Variants in VILL observed in about 807,000 individuals in gnomAD.
VILL encodes the protein villin like, also known as villin-like protein.
In VILL, 102 loss-of-function variants were observed where a neutral mutation model predicts 106.3. The ratio of observed to expected loss-of-function variants is 0.96; its 90% CI spans 0.82 to 1.13. The LOEUF is 1.13. VILL is among the 50% of genes most tolerant of loss of function. VILL has a pLI of 0.00. For synonymous variants in VILL, 431 were observed against 440.3 expected (o/e 0.98, Z 0.27); for missense variants, 1,076 against 1,116.6 (o/e 0.96, Z 0.52).
At chr3:37,990,107 G>A (rs1699591502), upstream of VILL, among the ~76,000 whole-genome samples, 1 of 152,230 alleles carries the variant, frequency 6.6e-6, no homozygotes, top group South Asian at 2.1e-4. The surrounding 1 kb of genome is among the most constrained non-coding windows in gnomAD (Gnocchi z 5.1). Context: ...TGCCCCTGGA[G>A]TTTCTGGAAG....
At chr3:37,993,413 CTG>C (rs1320630323) in intron 1 of VILL, 172 bp from the exon 2 acceptor site, 1 of 513,068 alleles carries the variant, frequency 1.9e-6, no homozygotes, top group Non-Finnish European at 3.5e-6. Context: ...GAGCAAGACC[CTG>C]TCTCGAAAAA....
upstream of VILL, among the ~76,000 whole-genome samples, chr3:37,989,833 C>T (rs1183689144): frequency 6.6e-6 from 1 of 152,178 alleles, no homozygotes; most frequent in Admixed American, 6.5e-5. Flanking sequence ...GCCTGTGACA[C>T]AGGCATCCCT....
In VILL at chr3:38,000,197, C is replaced by T. The variant is rs996732782; in HGVS notation, c.1182+758C>T. Among the ~76,000 whole-genome samples, 4 of 152,156 alleles carry T rather than the reference C, an allele frequency of 2.6e-5. No homozygotes were observed. In the South Asian group the frequency reaches 6.2e-4, roughly 24 times the overall value. ...GGCCTATGCGAGGGGTCCTAGTTCT[C>T]GAGGTAGGTGGAGGTCAGAGAAAAG... On this transcript the variant is annotated intron_variant, in intron 11 of 19. Transcript: ENST00000383759.
In VILL at chr3:38,007,111, G is replaced by A; in HGVS notation, c.*56G>A. 1.4e-6 allele frequency: 2 copies of A among 1,442,664 alleles called. No individual in the cohort carries two copies. Among genetic ancestry groups the A allele is most frequent in the Non-Finnish European group, 1.9e-6 (2 of 1,032,376 alleles). 89.4% of individuals were successfully genotyped at this position (1,442,664 alleles called of 1,614,324 possible). A position where few individuals can be genotyped will look rare whatever the true frequency, so the allele number is the denominator to read the frequency against. The stretch of plus-strand genomic sequence containing the variant: ...TGGACCCCAACATACCTACAATGCT[G>A]GGGAGGCCCTGCTTCCACTCCCCTC... On this transcript the variant is annotated 3_prime_UTR_variant, in exon 20 of 20. Coordinates refer to ENST00000383759, the MANE Select transcript of VILL (RefSeq NM_015873.4).
chr3:37,994,514 C>T (rs1474333321), intron 4 of VILL, 48 bp downstream of exon 4: 1 of 1,588,888 alleles, frequency 6.3e-7, no homozygotes, highest in East Asian at 2.3e-5. Flanking sequence ...GAGGCGGTGC[C>T]TTGGCTGGGG....
Position 37,993,957 on chromosome 3 carries a change from C to T in VILL, c.120C>T (p.Cys40=), listed in dbSNP as rs1210653700. Residue 40 remains cysteine, a synonymous_variant, in exon 3 of 20, where the codon TGC becomes TGT. Transcript: ENST00000383759. ...ACGGGAACTTTTTTGAGGAACACTG[C>T]TATGTCATCCTCCACGTGAGTCGCT... is the stretch of plus-strand genomic sequence containing the variant. ...GAYGNFFEEH[C]YVILHVPQSP... 1.2e-6 allele frequency: 2 copies of T among 1,614,076 alleles called. No individual in the cohort carries two copies. The highest frequency in any genetic ancestry group is 1.3e-5 in the African/African-American group (1 of 74,922).
Position 37,999,026 on chromosome 3 carries a change from A to G in VILL, c.1057A>G (p.Arg353Gly), listed in dbSNP as rs750513890. 1.9e-6 allele frequency: 3 copies of G among 1,539,682 alleles called. No homozygotes were observed. The highest frequency in any genetic ancestry group is 1.4e-5 in the African/African-American group (1 of 70,232). ...CCGGACTTGGTCTGAGAAGCGGCGC[A>G]GGAACCAGAAGCTCGGCGGGAGGGG... ...LFRTWSEKRR[R>G]NQKLGGRDKS... The change falls in exon 10 of 20, where the codon AGG (arginine) becomes GGG (glycine). Residue 353 changes from arginine to glycine, a missense_variant. Transcript: ENST00000383759.
chr3:38,002,932 G>A (rs1575339172), intron 14 of VILL: 4 of 546,714 alleles, frequency 7.3e-6, no homozygotes, highest in African/African-American at 1.9e-5. Context: ...TAAGCCTGGG[G>A]GCCTCCTATC....
intron 14 of VILL, 146 bp downstream of exon 14, chr3:38,002,721 C>T (rs1699842209): frequency 2.0e-6 from 2 of 979,842 alleles, no homozygotes; most frequent in East Asian, 2.6e-5. Flanking sequence ...GCCACAGGGT[C>T]CCCTCTAGAA....
rs1699874795 is a variant in VILL at position 38,004,309 on chromosome 3, C to T, written c.1860C>T (p.His620=). 4 of 1,614,002 alleles carry T rather than the reference C, an allele frequency of 2.5e-6. No individual in the cohort carries two copies. Among genetic ancestry groups the T allele is most frequent in the Non-Finnish European group, 3.4e-6 (4 of 1,179,812 alleles). ...FQPRLFECSS[H]MGCLVLAEVG... Reference sequence around the variant, plus strand: ...CACGACTGTTTGAGTGCTCCAGCCACATGGGCTGCCTGGTCCTCGCAGAAG... The same window carrying T: ...CACGACTGTTTGAGTGCTCCAGCCATATGGGCTGCCTGGTCCTCGCAGAAG... Residue 620 remains histidine, a synonymous_variant, in exon 16 of 20, where the codon CAC becomes CAT. Coordinates refer to ENST00000383759, the MANE Select transcript of VILL (RefSeq NM_015873.4).
rs1699908135 is a variant in VILL, at chr3:38,005,822, G to T, written c.1981G>T (p.Glu661Ter). Residue 661 changes from glutamate to a stop codon, truncating the protein, a stop_gained, in exon 17 of 20, where the codon GAG becomes TAG. Transcript: ENST00000383759. LOFTEE classifies it high-confidence loss of function. Reference sequence around the variant, plus strand: ...CCTGTGGCTTGGGGAAGCTGCAAGTGAGTGGAAGGAGGCGGTGGCCTGGGG... The same window carrying T: ...CCTGTGGCTTGGGGAAGCTGCAAGTTAGTGGAAGGAGGCGGTGGCCTGGGG... ...IFLWLGEAASEWKEAVAWGQE... is the reference protein window; with the variant it reads ...IFLWLGEAAS The T allele has an allele frequency of 6.2e-7, 1 of 1,613,062 alleles. No homozygotes were observed. The highest frequency in any genetic ancestry group is 1.7e-5 in the Admixed American group (1 of 59,900).
In VILL at chr3:37,997,416, A is replaced by G; in HGVS notation, c.562-67A>G. The G allele has an allele frequency of 6.5e-7, 1 of 1,546,670 alleles. No individual in the cohort carries two copies. Among genetic ancestry groups the G allele is most frequent in the Non-Finnish European group, 8.8e-7 (1 of 1,130,502 alleles). On this transcript the variant is annotated intron_variant, in intron 6 of 19. Transcript: ENST00000383759. This position sits in a 1 kb window ranked among gnomAD's most constrained non-coding sequence, Gnocchi z 4.7. The stretch of plus-strand genomic sequence containing the variant: ...ATCAGCCTCTGGGAGCTGAGCAGTG[A>G]CAGGAGAAGTCTCTGCTGTGAGAGG...
Position 37,994,382 on chromosome 3 carries a change from A to AGCTGGGGGGCCAGACCGT in VILL, c.262_279dup (p.Gly88_Leu93dup). The AGCTGGGGGGCCAGACCGT allele has an allele frequency of 2.5e-6, 4 of 1,612,518 alleles. No homozygotes were observed. Among genetic ancestry groups the AGCTGGGGGGCCAGACCGT allele is most frequent in the Non-Finnish European group, 3.4e-6 (4 of 1,179,822 alleles). On this transcript the variant is annotated inframe_insertion, in exon 4 of 20. Transcript: ENST00000383759. ...GCCTTCCAGCAGCGCCTACAGGACGAGCTGGGGGGCCAGACCGTGCTGCAC... is the reference window on the plus strand; with the variant it reads ...GCCTTCCAGCAGCGCCTACAGGACGAGCTGGGGGGCCAGACCGTGCTGGGGGGCCAGACCGTGCTGCAC...
In VILL at chr3:37,994,332, T is replaced by G. The variant is rs1038593623; in HGVS notation, c.207T>G (p.Gly69=). The change falls in exon 4 of 20, where the codon GGT becomes GGG. Residue 69 remains glycine, a synonymous_variant. Transcript: ENST00000383759. ...DLHYWVGKQA[G]AEAQGAAEAF... ...ACTACTGGGTCGGGAAGCAGGCGGG[T>G]GCGGAAGCGCAGGGCGCTGCGGAGG... 6.2e-7 allele frequency: 1 copy of G among 1,609,894 alleles called. No individual in the cohort carries two copies.
In VILL at chr3:37,994,244, A is replaced by G. The variant is rs775867780; in HGVS notation, c.136-17A>G. ...CGTCTTCCCCGCAACACATATACAC[A>G]AACACCCGGACCCTAGGTCCCCCAG... On this transcript the variant is annotated splice_polypyrimidine_tract_variant and intron_variant, in intron 3 of 19. Coordinates refer to ENST00000383759, the MANE Select transcript of VILL (RefSeq NM_015873.4). The G allele has an allele frequency of 3.1e-6, 5 of 1,594,792 alleles. No individual in the cohort carries two copies. Among genetic ancestry groups the G allele is most frequent in the Non-Finnish European group, 3.4e-6 (4 of 1,174,022 alleles).
chr3:37,989,673 C>T (rs999283642), upstream of VILL, among the ~76,000 whole-genome samples: 1 of 152,080 alleles, frequency 6.6e-6, no homozygotes, highest in Non-Finnish European at 1.5e-5. Context: ...CAAAAAGGGA[C>T]AGGGAAACGG....
chr3:38,004,828 G>A (rs1365261670), intron 16 of VILL, among the ~76,000 whole-genome samples: 1 of 152,224 alleles, frequency 6.6e-6, no homozygotes, highest in African/African-American at 2.4e-5. Flanking sequence ...CACTTTGTCA[G>A]TGACTGTGAG....
chr3:37,992,026 G>A (rs930068394), intron 1 of VILL, among the ~76,000 whole-genome samples: 1 of 152,132 alleles, frequency 6.6e-6, no homozygotes, highest in Non-Finnish European at 1.5e-5. Context: ...CCCTGGGGGC[G>A]ATGCTGCCTC....
Position 37,997,466 on chromosome 3 carries a change from C to T in VILL, c.562-17C>T. On this transcript the variant is annotated splice_polypyrimidine_tract_variant and intron_variant, in intron 6 of 19. Transcript: ENST00000383759. The surrounding 1 kb of genome is among the most constrained non-coding windows in gnomAD (Gnocchi z 4.7). ...GGCACACTGGTGACACCCTGACTCC[C>T]AGGTCCTCTCCCGCAGGGGCTGGCT... is the stretch of plus-strand genomic sequence containing the variant. The T allele has an allele frequency of 6.2e-7, 1 of 1,612,208 alleles. No individual in the cohort carries two copies. Among genetic ancestry groups the T allele is most frequent in the Non-Finnish European group, 8.5e-7 (1 of 1,179,774 alleles).
Sources: gnomAD v4.1 joint callset for allele counts (sites outside exome capture counted in the v4.1 genomes callset) on GRCh38, gnomAD v4.1.1 for gene constraint, Gnocchi (gnomAD v3.1) non-coding constraint, MANE v1.5 for transcripts, NCBI Gene and HGNC (gene_info 2026-07-23, HGNC 2026-07-21) for gene names.